Variants in STMND1 observed in about 807,000 individuals in gnomAD.
STMND1 encodes the protein stathmin domain-containing protein 1.
A neutral mutation model predicts 23.0 loss-of-function variants in STMND1; 17 were observed. The observed-to-expected ratio is 0.74, with a 90% confidence interval of 0.51 to 1.11. The LOEUF is 1.11. Among genes scored for constraint, STMND1 ranks in the 50% least tolerant of loss-of-function variants. The pLI, the probability that STMND1 is intolerant of heterozygous loss-of-function variation, is 0.00. For missense variants in STMND1, 305 were observed against 329.1 expected (o/e 0.93, Z 0.57); for synonymous variants, 114 against 119.9 (o/e 0.95, Z 0.32).
intron 2 of STMND1, among the ~76,000 whole-genome samples, chr6:17,119,080 C>A (rs1266642454): frequency 6.6e-6 from 1 of 151,324 alleles, no homozygotes; most frequent in Non-Finnish European, 1.5e-5. Context: ...TCATTGAAAT[C>A]TTCTCCATTG....
intron 3 of STMND1, 139 bp downstream of exon 3, chr6:17,120,897 A>C: frequency 1.4e-6 from 1 of 733,376 alleles, no homozygotes; most frequent in Non-Finnish European, 2.1e-6. Context: ...TTCTCCCTTA[A>C]ATTCCCCCCA....
At chr6:17,118,667 C>T (rs893355975) in intron 2 of STMND1, among the ~76,000 whole-genome samples, 4 of 152,166 alleles carry the variant, frequency 2.6e-5, no homozygotes, top group Non-Finnish European at 4.4e-5. Flanking sequence ...TCAAACATGA[C>T]ATTCCTTTTA....
In STMND1 at chr6:17,126,674, G is replaced by A. The variant is rs769181513; in HGVS notation, c.412-2438G>A. On this transcript the variant is annotated intron_variant, in intron 3 of 4. Transcript: ENST00000536551. Reference sequence around the variant, plus strand: ...TGGTCTTTGCCAGCAGGAAACTTAGGAGCCAATTGTCATAAAAATAATACA... The same window carrying A: ...TGGTCTTTGCCAGCAGGAAACTTAGAAGCCAATTGTCATAAAAATAATACA... 7.9e-5 allele frequency among the ~76,000 whole-genome samples: 12 copies of A among 152,142 alleles called. No homozygotes were observed. The East Asian group carries it at 9.6e-4, about 12-fold the overall frequency.
intron 3 of STMND1, among the ~76,000 whole-genome samples, chr6:17,125,942 G>A (rs1266404022): frequency 6.7e-6 from 1 of 148,674 alleles, no homozygotes; most frequent in African/African-American, 2.5e-5. Context: ...GAAAATGATT[G>A]AACTGGTAAC....
chr6:17,117,366 G>A (rs976444690), intron 2 of STMND1, among the ~76,000 whole-genome samples: 4 of 152,042 alleles, frequency 2.6e-5, no homozygotes, highest in African/African-American at 7.2e-5. Context: ...ACCATGCCCG[G>A]CCAGGAAATT....
chr6:17,127,292 G>C (rs780525034), intron 3 of STMND1, among the ~76,000 whole-genome samples: 2 of 152,268 alleles, frequency 1.3e-5, no homozygotes, highest in Non-Finnish European at 1.5e-5. Flanking sequence ...GCTCACGCCT[G>C]TAATCCCAGC....
Position 17,120,595 on chromosome 6 carries a change from C to CT in STMND1, c.260-6dup. On this transcript the variant is annotated splice_polypyrimidine_tract_variant and intron_variant, in intron 2 of 4. Coordinates refer to ENST00000536551, the MANE Select transcript of STMND1 (RefSeq NM_001190766.2). ...ATTTTGCTTTCTTTTTTCTTTTCTT[C>CT]TTTTTTGGAAGACCTAGTGACCAAT... 1 of 1,457,084 alleles carries CT rather than the reference C, an allele frequency of 6.9e-7. No individual in the cohort carries two copies. The highest frequency in any genetic ancestry group is 9.0e-7 in the Non-Finnish European group (1 of 1,109,944). 90.3% of individuals were successfully genotyped at this position (1,457,084 alleles called of 1,614,324 possible). A position where few individuals can be genotyped will look rare whatever the true frequency, so the allele number is the denominator to read the frequency against.
At chr6:17,123,850 TTTCAA>T (rs1425350723) in intron 3 of STMND1, among the ~76,000 whole-genome samples, 1 of 152,180 alleles carries the variant, frequency 6.6e-6, no homozygotes, top group African/African-American at 2.4e-5. Context: ...ATAAAACTTC[TTTCAA>T]TTCAGAGGTA....
chr6:17,115,204 C>T, intron 2 of STMND1, 65 bp downstream of exon 2: 1 of 1,438,906 alleles, frequency 6.9e-7, no homozygotes, highest in Non-Finnish European at 9.2e-7. Context: ...AATACGTTTA[C>T]AAGGTTTCTT....
chr6:17,111,162 G>A (rs9477324), intron 1 of STMND1, among the ~76,000 whole-genome samples: 47,268 of 151,958 alleles, frequency 0.31, 7,515 homozygotes, highest in Middle Eastern at 0.34. Flanking sequence ...GCATTTTGTC[G>A]TCAGTGGTTT....
At chr6:17,106,569 C>T (rs1268529462) in intron 1 of STMND1, among the ~76,000 whole-genome samples, 1 of 152,138 alleles carries the variant, frequency 6.6e-6, no homozygotes, top group Non-Finnish European at 1.5e-5. Context: ...ACCTTCTTTC[C>T]TAGCCCCAAG....
intron 3 of STMND1, among the ~76,000 whole-genome samples, chr6:17,126,060 ATATATATATATTTTTTTT>A (rs1761295787): frequency 1.7e-4 from 4 of 23,892 alleles, no homozygotes; most frequent in Non-Finnish European, 3.0e-4. Flanking sequence ...ATATATATAT[ATATATATATATTTTTTTT>A]TTTTTTTTTT....
intron 2 of STMND1, among the ~76,000 whole-genome samples, chr6:17,120,028 A>G (rs188751778): frequency 1.3e-3 from 201 of 152,360 alleles, no homozygotes; most frequent in African/African-American, 4.6e-3. Context: ...TTTTAGAATC[A>G]TGAATAAAAA....
chr6:17,112,776 C>CA (rs576140224), intron 1 of STMND1, among the ~76,000 whole-genome samples: 102 of 146,342 alleles, frequency 7.0e-4, no homozygotes, highest in Non-Finnish European at 1.2e-3. Flanking sequence ...GACTCCGTCT[C>CA]AAAAAAAAAA....
At chr6:17,126,533 A>G (rs902887489) in intron 3 of STMND1, among the ~76,000 whole-genome samples, 9 of 152,150 alleles carry the variant, frequency 5.9e-5, no homozygotes, top group African/African-American at 2.2e-4. Context: ...TTGGATTACT[A>G]CTTAATTTTC....
intron 3 of STMND1, among the ~76,000 whole-genome samples, chr6:17,122,274 A>G (rs1279361452): frequency 2.0e-5 from 3 of 151,988 alleles, no homozygotes; most frequent in East Asian, 1.9e-4. Context: ...TTTTAAGCCA[A>G]TGCTCCCAAG....
chr6:17,125,961 G>A (rs1038542268), intron 3 of STMND1, among the ~76,000 whole-genome samples: 3 of 141,502 alleles, frequency 2.1e-5, no homozygotes, highest in East Asian at 2.1e-4. Flanking sequence ...ACTTCTGTAG[G>A]TTGATTTTGT....
chr6:17,110,195 C>A (rs976795589), intron 1 of STMND1, among the ~76,000 whole-genome samples: 1 of 152,158 alleles, frequency 6.6e-6, no homozygotes, highest in Non-Finnish European at 1.5e-5. Context: ...AAGATACAAA[C>A]TTTTATCACA....
In STMND1 at chr6:17,114,950, C is replaced by T. The variant is rs147737842; in HGVS notation, c.82-12C>T. ...AAATCTTGACTCTAACAAAACTGTTCCCTTTTCACAGGCTGATGTCAGTGT... is the reference window on the plus strand; with the variant it reads ...AAATCTTGACTCTAACAAAACTGTTTCCTTTTCACAGGCTGATGTCAGTGT... On this transcript the variant is annotated splice_polypyrimidine_tract_variant and intron_variant, in intron 1 of 4. Transcript: ENST00000536551. 18 of 1,501,028 alleles carry T rather than the reference C, an allele frequency of 1.2e-5. No homozygotes were observed. The highest frequency in any genetic ancestry group is 1.6e-5 in the Non-Finnish European group (18 of 1,133,482). 93.0% of individuals were successfully genotyped at this position (1,501,028 alleles called of 1,614,324 possible). A position where few individuals can be genotyped will look rare whatever the true frequency, so the allele number is the denominator to read the frequency against.
Sources: gnomAD v4.1 joint callset for allele counts (sites outside exome capture counted in the v4.1 genomes callset) on GRCh38, gnomAD v4.1.1 for gene constraint, MANE v1.5 for transcripts, NCBI Gene and HGNC (gene_info 2026-07-23, HGNC 2026-07-21) for gene names.